Variants in MLLT10 observed in about 807,000 individuals in gnomAD.
MLLT10 encodes the protein MLLT10 histone lysine methyltransferase DOT1L cofactor.
A neutral mutation model predicts 129.1 loss-of-function variants in MLLT10; 30 were observed. The observed-to-expected ratio is 0.23, with a 90% confidence interval of 0.17 to 0.32. The LOEUF is 0.32. Ranked by LOEUF, MLLT10 falls within the 10% of genes least tolerant of loss-of-function variation. The pLI, the probability that MLLT10 is intolerant of heterozygous loss-of-function variation, is 1.00. For missense variants in MLLT10, 1,119 were observed against 1,268.3 expected, an observed-to-expected ratio of 0.88 and a Z score of 1.79; for synonymous variants, 490 against 446.4, an observed-to-expected ratio of 1.10 and a Z score of -1.23.
intron 13 of MLLT10, among the ~76,000 whole-genome samples, chr10:21,693,625 T>G (rs2054092859): frequency 6.6e-6 from 1 of 152,188 alleles, no homozygotes; most frequent in Non-Finnish European, 1.5e-5. Flanking sequence ...TGGACTTAAC[T>G]GTGCTTCCTG....
intron 9 of MLLT10, among the ~76,000 whole-genome samples, chr10:21,665,831 C>T (rs1362131027): frequency 2.6e-5 from 4 of 151,942 alleles, no homozygotes; most frequent in Non-Finnish European, 4.4e-5. Flanking sequence ...TGGGTTCAAG[C>T]GATCTCCCAC....
intron 8 of MLLT10, chr10:21,624,887 C>T (rs2046273794): frequency 8.3e-7 from 1 of 1,198,930 alleles, no homozygotes; most frequent in South Asian, 1.4e-5. Flanking sequence ...GTGGTGGTCC[C>T]AAAGGTGCCC....
At chr10:21,580,949 T>G (rs1277817679) in intron 3 of MLLT10, among the ~76,000 whole-genome samples, 3 of 151,068 alleles carry the variant, frequency 2.0e-5, no homozygotes, top group African/African-American at 4.9e-5. Context: ...CCTGACCTCA[T>G]GATCTGCCTG....
chr10:21,729,579 G>A (rs1171627975), intron 16 of MLLT10, among the ~76,000 whole-genome samples: 2 of 152,282 alleles, frequency 1.3e-5, no homozygotes, highest in Non-Finnish European at 2.9e-5. Context: ...TATTAAGGCA[G>A]TGTCAAGAAC....
chr10:21,702,321 AT>A (rs1306110609), intron 13 of MLLT10, among the ~76,000 whole-genome samples: 1 of 152,130 alleles, frequency 6.6e-6, no homozygotes, highest in African/African-American at 2.4e-5. Flanking sequence ...GATTCTTGAT[AT>A]GATTTTGATT....
chr10:21,548,297 A>G (rs1342962027), intron 3 of MLLT10, among the ~76,000 whole-genome samples: 2 of 150,770 alleles, frequency 1.3e-5, no homozygotes, highest in Admixed American at 6.6e-5. Flanking sequence ...TTCTTTTCCT[A>G]GAACTGTTAG....
At position 21,534,410 on chromosome 10, in the gene MLLT10, TGAG is replaced by T. The variant is rs527697532; in HGVS notation, c.-97_-95del. Reference sequence around the variant, plus strand: ...GGGTGGAGGTGGGGAGGGAAGACGCTGAGGAGGAGGAGGAGGCGGAGGAGGCGG... The same window carrying T: ...GGGTGGAGGTGGGGAGGGAAGACGCTGAGGAGGAGGAGGCGGAGGAGGCGG... On this transcript the variant is annotated 5_prime_UTR_variant, in exon 1 of 23. Coordinates refer to ENST00000307729, the MANE Select transcript of MLLT10 (RefSeq NM_001195626.3). The T allele has an allele frequency of 5.6e-4, 247 of 440,356 alleles. No homozygotes were observed. The highest frequency in any genetic ancestry group is 2.4e-3 in the Middle Eastern group (4 of 1,640). 27.3% of individuals were successfully genotyped at this position (440,356 alleles called of 1,614,324 possible). A position where few individuals can be genotyped will look rare whatever the true frequency, so the allele number is the denominator to read the frequency against.
intron 8 of MLLT10, among the ~76,000 whole-genome samples, chr10:21,636,092 A>G (rs1437343347): frequency 6.6e-6 from 1 of 151,376 alleles, no homozygotes; most frequent in African/African-American, 2.4e-5. Flanking sequence ...TAAGACTCAT[A>G]CTGTATCTCT....
intron 5 of MLLT10, among the ~76,000 whole-genome samples, chr10:21,605,008 G>A (rs2043916447): frequency 6.6e-6 from 1 of 151,110 alleles, no homozygotes; most frequent in Non-Finnish European, 1.5e-5. Flanking sequence ...AGGAGTTTGA[G>A]GCTTTAGAGT....
At chr10:21,713,669 A>G in intron 13 of MLLT10, 103 bp from the exon 14 acceptor site, 1 of 953,544 alleles carries the variant, frequency 1.0e-6, no homozygotes, top group East Asian at 2.6e-5. Context: ...AAGATTTATA[A>G]TTGGAGGAGG....
At chr10:21,689,095 TA>T (rs2053571442) in intron 13 of MLLT10, among the ~76,000 whole-genome samples, 1 of 152,052 alleles carries the variant, frequency 6.6e-6, no homozygotes, top group Admixed American at 6.6e-5. Context: ...AGGCTGTGAG[TA>T]TCTTCAATAT....
At chr10:21,565,439 C>G (rs2039427001) in intron 3 of MLLT10, among the ~76,000 whole-genome samples, 1 of 152,032 alleles carries the variant, frequency 6.6e-6, no homozygotes, top group Non-Finnish European at 1.5e-5. Context: ...TCTCGAGTAG[C>G]TGGGATTACA....
chr10:21,713,838 C>T lies in MLLT10; in HGVS notation c.1766C>T (p.Thr589Ile). ...GTAGTATCTGGCTCGGGATCTAGTA[C>T]TCCTGTCTCCAGCTCTCACTTACCT... Reference protein sequence around the residue: ...PNVVSGSGSSTPVSSSHLPQQ... With the variant: ...PNVVSGSGSSIPVSSSHLPQQ... Residue 589 changes from threonine (T) to isoleucine (I), a missense_variant, in exon 14 of 23, where the codon ACT becomes ATT. By Grantham distance (89) the Thr-to-Ile change is moderately conservative. This residue lies in a region of MLLT10 where 1,004 missense variants were observed against 1,008.7 expected (regional missense o/e 1.00). Coordinates refer to ENST00000307729, the MANE Select transcript of MLLT10 (RefSeq NM_001195626.3). 2.5e-6 allele frequency: 4 copies of T among 1,614,088 alleles called. No homozygotes were observed. Among genetic ancestry groups the T allele is most frequent in the Non-Finnish European group, 3.4e-6 (4 of 1,179,986 alleles).
At chr10:21,554,414 G>A (rs568440114) in intron 3 of MLLT10, among the ~76,000 whole-genome samples, 2 of 151,336 alleles carry the variant, frequency 1.3e-5, no homozygotes, top group African/African-American at 4.8e-5. Context: ...ATAGAGTTGG[G>A]ATTATGGGCG....
chr10:21,681,890 CAGTGACTCACTTTT>C (rs1382623185), intron 12 of MLLT10, among the ~76,000 whole-genome samples: 2 of 152,086 alleles, frequency 1.3e-5, no homozygotes, highest in Non-Finnish European at 2.9e-5. Context: ...TTGCATCCTA[CAGTGACTCACTTTT>C]AGCAAGACAT....
At chr10:21,541,149 G>C (rs979521786) in intron 3 of MLLT10, 1 of 152,146 alleles carries the variant, frequency 6.6e-6, no homozygotes, top group Non-Finnish European at 1.5e-5. Flanking sequence ...GACAGAGCGA[G>C]ACTCGTCTCA....
At chr10:21,709,357 G>A (rs182070616) in intron 13 of MLLT10, among the ~76,000 whole-genome samples, 97 of 151,856 alleles carry the variant, frequency 6.4e-4, no homozygotes, top group African/African-American at 2.3e-3. Flanking sequence ...TCAGCCTCTC[G>A]AGTAACTGGG....
chr10:21,642,245 C>G (rs1230355472), intron 8 of MLLT10, among the ~76,000 whole-genome samples: 1 of 152,178 alleles, frequency 6.6e-6, no homozygotes, highest in Non-Finnish European at 1.5e-5. Context: ...CCCAGCTACA[C>G]TGGAGGCTGA....
At chr10:21,594,805 G>T (rs1486924068) in intron 4 of MLLT10, among the ~76,000 whole-genome samples, 1 of 150,500 alleles carries the variant, frequency 6.6e-6, no homozygotes, top group Admixed American at 6.6e-5. Context: ...TTGCACTCCA[G>T]CCTGGGCAAC....
Sources: allele counts gnomAD v4.1 joint callset (sites outside exome capture counted in the v4.1 genomes callset), GRCh38; gene constraint gnomAD v4.1.1; regional missense constraint gnomAD v4.1.1; transcripts MANE v1.5; gene names NCBI Gene and HGNC (gene_info 2026-07-23, HGNC 2026-07-21).